The following RAB6B variants were observed in gnomAD, a reference collection of about 807,000 sequenced individuals.
The protein encoded by RAB6B is RAB6B, member RAS oncogene family.
RAB6B carries 7 observed loss-of-function variants against 31.2 expected under a neutral mutation model. That is an observed-to-expected ratio of 0.22 (90% CI 0.13 to 0.42). The LOEUF (loss-of-function observed/expected upper bound fraction) is 0.42, where lower values mean the gene tolerates loss of function less well. RAB6B is among the 10% of genes least tolerant of loss of function. RAB6B has a pLI of 1.00. For synonymous variants in RAB6B, 105 were observed against 104.9 expected (o/e 1.00, Z -0.01); for missense variants, 149 against 280.6 (o/e 0.53, Z 3.35).
intron 1 of RAB6B, among the ~76,000 whole-genome samples, chr3:133,885,120 T>TA (rs1936526231): frequency 3.1e-5 from 4 of 130,320 alleles, no homozygotes; most frequent in East Asian, 2.4e-4. Flanking sequence ...GACCAGAGGA[T>TA]GGGGAACTCA....
intron 1 of RAB6B, among the ~76,000 whole-genome samples, chr3:133,866,175 G>A (rs575515415): frequency 6.6e-6 from 1 of 152,290 alleles, no homozygotes; most frequent in South Asian, 2.1e-4. Flanking sequence ...AACTGAGCAA[G>A]GTAAGGCAGT....
intron 1 of RAB6B, among the ~76,000 whole-genome samples, chr3:133,867,626 T>C (rs1936255622): frequency 6.6e-6 from 1 of 152,200 alleles, no homozygotes. Flanking sequence ...GCTGTGGCGC[T>C]CCAGGGAACA....
chr3:133,831,097 T>C (rs1352029086), intron 7 of RAB6B, among the ~76,000 whole-genome samples: 4 of 152,130 alleles, frequency 2.6e-5, no homozygotes, highest in Non-Finnish European at 4.4e-5. Context: ...ACTAAAACAA[T>C]CTCATGCGCA....
Position 133,841,314 on chromosome 3 carries a change from G to A in RAB6B, c.260C>T (p.Thr87Met). 3 of 1,614,156 alleles carry A rather than the reference G, an allele frequency of 1.9e-6. No individual in the cohort carries two copies. The highest frequency in any genetic ancestry group is 2.5e-6 in the Non-Finnish European group (3 of 1,180,012). ...GATGTCGTACACCACCACAGCCACC[G>A]TGGAGTCCCGGATGTAGCTGGGGAT... is the stretch of plus-strand genomic sequence containing the variant. ...SLIPSYIRDS[T>M]VAVVVYDITN... Residue 87 changes from threonine to methionine, a missense_variant, in exon 4 of 8, where the codon ACG (threonine) becomes ATG (methionine). Thr to Met is a moderately conservative substitution (Grantham distance 81, BLOSUM62 -1). Around this residue, in one of 2 missense-constraint regions of RAB6B, gnomAD observed 75 missense variants for 180.1 expected, o/e 0.42. Transcript: ENST00000285208.
At chr3:133,893,903 A>G (rs1936670910) in intron 1 of RAB6B, among the ~76,000 whole-genome samples, 1 of 152,120 alleles carries the variant, frequency 6.6e-6, no homozygotes, top group Non-Finnish European at 1.5e-5. Context: ...AAAACAGGCA[A>G]TCAGAATCCA....
chr3:133,828,921 T>C, intron 7 of RAB6B, 69 bp from the exon 8 acceptor site: 7 of 1,368,828 alleles, frequency 5.1e-6, no homozygotes, highest in Non-Finnish European at 7.0e-6. Flanking sequence ...CCCTGTGCAC[T>C]GTACCCTTTG....
At chr3:133,849,527 A>G (rs891983178) in intron 2 of RAB6B, among the ~76,000 whole-genome samples, 5 of 152,174 alleles carry the variant, frequency 3.3e-5, no homozygotes, top group African/African-American at 1.2e-4. Context: ...CAAGAGGGAG[A>G]TGCTTATGCA....
chr3:133,833,076 G>A (rs1935678626), intron 7 of RAB6B, among the ~76,000 whole-genome samples: 1 of 152,130 alleles, frequency 6.6e-6, no homozygotes, highest in African/African-American at 2.4e-5. Flanking sequence ...CCCCTTGCTG[G>A]CAGGCACAGC....
intron 2 of RAB6B, among the ~76,000 whole-genome samples, chr3:133,861,576 T>G (rs1936161913): frequency 6.6e-6 from 1 of 152,172 alleles, no homozygotes; most frequent in South Asian, 2.1e-4. Flanking sequence ...CAGCTGTCAC[T>G]GAGGATAGGG....
intron 7 of RAB6B, among the ~76,000 whole-genome samples, chr3:133,832,010 GT>G (rs1390021477): frequency 6.6e-6 from 1 of 152,234 alleles, no homozygotes; most frequent in Non-Finnish European, 1.5e-5. Flanking sequence ...TCATTTGGAT[GT>G]GGTTCCAGCT....
In RAB6B at chr3:133,895,604, C is replaced by A. The variant is rs1271330902; in HGVS notation, c.-138G>T. The A allele has an allele frequency of 1.3e-6, 1 of 791,780 alleles. No homozygotes were observed. The highest frequency in any genetic ancestry group is 1.7e-5 in the South Asian group (1 of 59,730). 49.0% of individuals were successfully genotyped at this position (791,780 alleles called of 1,614,324 possible). A position where few individuals can be genotyped will look rare whatever the true frequency, so the allele number is the denominator to read the frequency against. ...GGGCTGGCTGCGCGCGTCCCTGACTCCCCAGCTGCGTCCCGGTCCCGGCCT... is the reference window on the plus strand; with the variant it reads ...GGGCTGGCTGCGCGCGTCCCTGACTACCCAGCTGCGTCCCGGTCCCGGCCT... On this transcript the variant is annotated 5_prime_UTR_variant, in exon 1 of 8. Transcript: ENST00000285208.
At chr3:133,844,573 C>A (rs1213943282) in intron 2 of RAB6B, among the ~76,000 whole-genome samples, 2 of 152,196 alleles carry the variant, frequency 1.3e-5, no homozygotes, top group Non-Finnish European at 2.9e-5. Context: ...AACAAACCCT[C>A]CAACAGAAAA....
intron 1 of RAB6B, among the ~76,000 whole-genome samples, chr3:133,889,064 C>T (rs1174925277): frequency 6.6e-6 from 1 of 152,112 alleles, no homozygotes; most frequent in East Asian, 1.9e-4. Context: ...CGGTAGTCCA[C>T]CCTGAATGTT....
At chr3:133,836,620 T>C (rs1935739188) in intron 6 of RAB6B, among the ~76,000 whole-genome samples, 1 of 152,152 alleles carries the variant, frequency 6.6e-6, no homozygotes, top group Non-Finnish European at 1.5e-5. Flanking sequence ...AGATGCTACC[T>C]GCCCTATGGA....
intron 7 of RAB6B, among the ~76,000 whole-genome samples, chr3:133,830,047 G>A (rs1935633504): frequency 1.3e-5 from 2 of 152,180 alleles, no homozygotes; most frequent in Non-Finnish European, 2.9e-5. Context: ...GCCCACTGCA[G>A]CCCACCTTTT....
chr3:133,857,426 GAAAAAAAAAAA>G (rs71136497), intron 2 of RAB6B, among the ~76,000 whole-genome samples: 3 of 119,826 alleles, frequency 2.5e-5, no homozygotes, highest in Non-Finnish European at 5.0e-5. Context: ...TTTTTGAAGG[GAAAAAAAAAAA>G]AAAAAAAAAA....
At chr3:133,858,256 A>G (rs1936110046) in intron 2 of RAB6B, among the ~76,000 whole-genome samples, 1 of 152,268 alleles carries the variant, frequency 6.6e-6, no homozygotes, top group South Asian at 2.1e-4. Flanking sequence ...AATTTCTCTT[A>G]AAATCAGGAG....
In RAB6B at chr3:133,888,259, G is replaced by A. The variant is rs550514729; in HGVS notation, c.70+7138C>T. Among the ~76,000 whole-genome samples the A allele has an allele frequency of 6.1e-4, 93 of 152,332 alleles. 4 individuals are homozygous for A. Among genetic ancestry groups the A allele is most frequent in the African/African-American group, 2.0e-3 (85 of 41,594 alleles). On this transcript the variant is annotated intron_variant, in intron 1 of 7. Coordinates refer to ENST00000285208, the MANE Select transcript of RAB6B (RefSeq NM_016577.4). ...CAGGGCCAGCTCTCTCTGAGCCTCT[G>A]CCTCCTGACCCACAAAACAGGGATG... is the stretch of plus-strand genomic sequence containing the variant.
intron 2 of RAB6B, among the ~76,000 whole-genome samples, chr3:133,853,486 G>A (rs906793310): frequency 1.3e-5 from 2 of 151,448 alleles, no homozygotes; most frequent in Non-Finnish European, 2.9e-5. Context: ...AATCTAGAAT[G>A]CCTGTCAATG....
Sources: allele counts gnomAD v4.1 joint callset (sites outside exome capture counted in the v4.1 genomes callset), GRCh38; gene constraint gnomAD v4.1.1; regional missense constraint gnomAD v4.1.1; transcripts MANE v1.5; gene names NCBI Gene and HGNC (gene_info 2026-07-23, HGNC 2026-07-21).